Variants in AKAP19 observed in about 807,000 individuals in gnomAD.
AKAP19 encodes small A-kinase anchoring protein.
At chr2:189,898,734 T>G in the AKAP19 span, among the ~76,000 whole-genome samples, 1 of 152,156 alleles carries the variant, frequency 6.6e-6, no homozygotes, top group African/African-American at 2.4e-5. Flanking sequence ...GCCACTGCCC[T>G]CATTCAAGCT....
chr2:190,003,401 A>C, the AKAP19 span, among the ~76,000 whole-genome samples: 1 of 152,114 alleles, frequency 6.6e-6, no homozygotes, highest in Non-Finnish European at 1.5e-5. Context: ...AATTTTTGCT[A>C]TAACCAACAA....
the AKAP19 span, among the ~76,000 whole-genome samples, chr2:190,179,677 TA>T: frequency 6.6e-6 from 1 of 152,210 alleles, no homozygotes; most frequent in Admixed American, 6.5e-5. The surrounding 1 kb of genome is among the most constrained non-coding windows in gnomAD (Gnocchi z 6.0). Flanking sequence ...AATCTAGGTT[TA>T]TTTTTTACTA....
At chr2:190,010,440 G>T in the AKAP19 span, among the ~76,000 whole-genome samples, 1 of 152,150 alleles carries the variant, frequency 6.6e-6, no homozygotes, top group Non-Finnish European at 1.5e-5. Flanking sequence ...AGTGGATTAA[G>T]GATGTACTGT....
At chr2:190,175,609 A>G in the AKAP19 span, among the ~76,000 whole-genome samples, 3 of 152,132 alleles carry the variant, frequency 2.0e-5, no homozygotes, top group Non-Finnish European at 4.4e-5. Flanking sequence ...AAAACTAAAG[A>G]ATTTTTTTCT....
At chr2:190,072,511 G>C in the AKAP19 span, among the ~76,000 whole-genome samples, 1 of 152,128 alleles carries the variant, frequency 6.6e-6, no homozygotes, top group African/African-American at 2.4e-5. Context: ...GAACAATTAA[G>C]TCAATGAGGT....
the AKAP19 span, among the ~76,000 whole-genome samples, chr2:190,050,021 A>G: frequency 6.6e-6 from 1 of 152,230 alleles, no homozygotes; most frequent in Non-Finnish European, 1.5e-5. Flanking sequence ...TAGAACCCCT[A>G]AGGATCTTGT....
the AKAP19 span, among the ~76,000 whole-genome samples, chr2:189,887,253 T>C: frequency 1.3e-5 from 2 of 152,328 alleles, no homozygotes; most frequent in Non-Finnish European, 2.9e-5. Flanking sequence ...CCTGTGTTAA[T>C]TTGCTGAGAG....
the AKAP19 span, among the ~76,000 whole-genome samples, chr2:190,047,042 C>G: frequency 6.6e-6 from 1 of 152,038 alleles, no homozygotes; most frequent in Non-Finnish European, 1.5e-5. Context: ...AACCATATTA[C>G]TCCCTCCTTA....
chr2:189,951,363 G>A, the AKAP19 span, among the ~76,000 whole-genome samples: 1 of 151,858 alleles, frequency 6.6e-6, no homozygotes, highest in East Asian at 1.9e-4. Flanking sequence ...CAGCGCACCC[G>A]GCTAATTTTT....
chr2:190,015,988 C>T, the AKAP19 span, among the ~76,000 whole-genome samples: 5 of 152,222 alleles, frequency 3.3e-5, no homozygotes, highest in Non-Finnish European at 5.9e-5. Context: ...GCCTGGACTT[C>T]ATTGTCTACA....
chr2:189,934,174 T>C, the AKAP19 span, among the ~76,000 whole-genome samples: 1 of 152,104 alleles, frequency 6.6e-6, no homozygotes, highest in Non-Finnish European at 1.5e-5. Context: ...AAAATGTCCA[T>C]AGAAATAGAA....
At chr2:189,940,220 A>C in the AKAP19 span, among the ~76,000 whole-genome samples, 9 of 150,942 alleles carry the variant, frequency 6.0e-5, no homozygotes, top group African/African-American at 2.2e-4. Flanking sequence ...CGGAGTTTGC[A>C]GTGAGCCGAG....
At chr2:189,929,473 A>G in the AKAP19 span, among the ~76,000 whole-genome samples, 15 of 152,320 alleles carry the variant, frequency 9.8e-5, no homozygotes, top group African/African-American at 3.4e-4. Context: ...AATTATCACC[A>G]TATTAACAAC....
At chr2:189,928,320 A>G in the AKAP19 span, among the ~76,000 whole-genome samples, 16,351 of 152,156 alleles carry the variant, frequency 0.11, 1,295 homozygotes, top group African/African-American at 0.2. Flanking sequence ...TATCAGGTTC[A>G]TTGATCTATT....
the AKAP19 span, among the ~76,000 whole-genome samples, chr2:189,986,917 A>G: frequency 6.6e-6 from 1 of 152,152 alleles, no homozygotes. Flanking sequence ...GCCTCAAAGT[A>G]GCCGTTATTA....
the AKAP19 span, among the ~76,000 whole-genome samples, chr2:190,043,255 G>A: frequency 6.6e-6 from 1 of 152,164 alleles, no homozygotes; most frequent in Non-Finnish European, 1.5e-5. Context: ...CAAGGTTGTG[G>A]AAGTTTTCAT....
chr2:189,925,499 C>T, the AKAP19 span, among the ~76,000 whole-genome samples: 1 of 151,952 alleles, frequency 6.6e-6, no homozygotes, highest in Non-Finnish European at 1.5e-5. Flanking sequence ...AGGCAGTAAC[C>T]ATAGGGGCTA....
the AKAP19 span, among the ~76,000 whole-genome samples, chr2:190,170,789 C>T: frequency 1.3e-5 from 2 of 152,042 alleles, no homozygotes; most frequent in Non-Finnish European, 2.9e-5. Context: ...ATTTTCTTAT[C>T]GCTTTTTGTA....
At chr2:189,890,343 G>A in the AKAP19 span, among the ~76,000 whole-genome samples, 1 of 152,040 alleles carries the variant, frequency 6.6e-6, no homozygotes, top group Non-Finnish European at 1.5e-5. Context: ...TTCTAATTAT[G>A]CGGTCAATTT....
Sources: gnomAD v4.1 joint callset for allele counts (sites outside exome capture counted in the v4.1 genomes callset) on GRCh38, gnomAD v4.1.1 for gene constraint, Gnocchi (gnomAD v3.1) non-coding constraint, MANE v1.5 for transcripts, NCBI Gene and HGNC (gene_info 2026-07-23, HGNC 2026-07-21) for gene names.